Variants in FBXL7 observed in about 807,000 individuals in gnomAD.
FBXL7 encodes the protein F-box and leucine rich repeat protein 7, also known as F-box/LRR-repeat protein 7.
A neutral mutation model predicts 38.3 loss-of-function variants in FBXL7; 12 were observed. The observed-to-expected ratio is 0.31, with a 90% CI of 0.20 to 0.51. FBXL7 has a LOEUF of 0.51. Among genes scored for constraint, FBXL7 ranks in the 20% least tolerant of loss-of-function variants. The pLI is 0.98. For synonymous variants in FBXL7, 297 were observed against 300.9 expected, an observed-to-expected ratio of 0.99 and a Z score of 0.13; for missense variants, 567 against 676.4, an observed-to-expected ratio of 0.84 and a Z score of 1.79.
intron 1 of FBXL7, among the ~76,000 whole-genome samples, chr5:15,518,511 G>A (rs1217687361): frequency 6.6e-6 from 1 of 152,200 alleles, no homozygotes; most frequent in Non-Finnish European, 1.5e-5. Context: ...TTGAATTGTG[G>A]CTGGGATATA....
chr5:15,721,821 C>T (rs188449087), intron 2 of FBXL7, among the ~76,000 whole-genome samples: 222 of 147,566 alleles, frequency 1.5e-3, no homozygotes, highest in Non-Finnish European at 2.4e-3. Context: ...AGATAAGAAT[C>T]CTTTTATTTA....
chr5:15,758,601 A>T (rs1334477157), intron 2 of FBXL7, among the ~76,000 whole-genome samples: 5 of 152,204 alleles, frequency 3.3e-5, no homozygotes, highest in Non-Finnish European at 7.3e-5. Context: ...TTAACATGTT[A>T]AAGAAATGCA....
At chr5:15,886,229 GCA>G (rs1740672078) in intron 2 of FBXL7, among the ~76,000 whole-genome samples, 3 of 151,994 alleles carry the variant, frequency 2.0e-5, no homozygotes, top group Non-Finnish European at 4.4e-5. Flanking sequence ...GTGTGTGTGT[GCA>G]TGCAAATGTA....
At chr5:15,584,300 C>T (rs1246260049) in intron 1 of FBXL7, among the ~76,000 whole-genome samples, 7 of 152,180 alleles carry the variant, frequency 4.6e-5, no homozygotes, top group Non-Finnish European at 1.0e-4. Context: ...TTATGAATTT[C>T]TCTTCCAGAA....
intron 1 of FBXL7, chr5:15,501,593 C>T: frequency 3.0e-6 from 3 of 985,590 alleles, no homozygotes; most frequent in Non-Finnish European, 3.6e-6. Flanking sequence ...AGCCCGCCCC[C>T]AGAGGACAGT....
In FBXL7 at chr5:15,751,683, G is replaced by A. The variant is rs182591806; in HGVS notation, c.127+135611G>A. Among the ~76,000 whole-genome samples, 208 of 152,272 alleles carry A rather than the reference G, an allele frequency of 1.4e-3. 6 individuals carry two copies. In the South Asian group the frequency reaches 0.041, roughly 30 times the overall value. On this transcript the variant is annotated intron_variant, in intron 2 of 3. Coordinates refer to ENST00000504595, the MANE Select transcript of FBXL7 (RefSeq NM_012304.5). Reference sequence around the variant, plus strand: ...CAGGTGAAACTTATGATTCATTGTCGATTTTTAATAATATATGTCAAAGGG... The same window carrying A: ...CAGGTGAAACTTATGATTCATTGTCAATTTTTAATAATATATGTCAAAGGG...
chr5:15,857,616 C>A (rs1179591467), intron 2 of FBXL7, among the ~76,000 whole-genome samples: 1 of 152,092 alleles, frequency 6.6e-6, no homozygotes, highest in Admixed American at 6.5e-5. Context: ...ATAAGAGAGC[C>A]GTAGGCACCA....
At chr5:15,570,764 T>C (rs1738753260) in intron 1 of FBXL7, among the ~76,000 whole-genome samples, 2 of 152,174 alleles carry the variant, frequency 1.3e-5, no homozygotes. Context: ...GACTGAACTG[T>C]GTGTGCTGGT....
At chr5:15,751,682 C>T (rs1019622635) in intron 2 of FBXL7, among the ~76,000 whole-genome samples, 7 of 152,194 alleles carry the variant, frequency 4.6e-5, no homozygotes, top group Non-Finnish European at 8.8e-5. Context: ...GATTCATTGT[C>T]GATTTTTAAT....
chr5:15,572,883 T>C (rs2126455282), intron 1 of FBXL7, among the ~76,000 whole-genome samples: 1 of 152,294 alleles, frequency 6.6e-6, no homozygotes, highest in South Asian at 2.1e-4. Flanking sequence ...TTGTGACTGC[T>C]TTTCCACAGT....
intron 2 of FBXL7, among the ~76,000 whole-genome samples, chr5:15,775,768 G>A (rs1040141142): frequency 6.6e-6 from 1 of 152,142 alleles, no homozygotes; most frequent in Non-Finnish European, 1.5e-5. Flanking sequence ...AACGAGGATA[G>A]CAGTCTTTTT....
At chr5:15,781,961 G>A (rs538188070) in intron 2 of FBXL7, among the ~76,000 whole-genome samples, 57 of 152,088 alleles carry the variant, frequency 3.7e-4, no homozygotes, top group African/African-American at 1.2e-3. Flanking sequence ...GGTATTTCTC[G>A]TAATGCTATT....
intron 1 of FBXL7, among the ~76,000 whole-genome samples, chr5:15,530,373 G>A (rs1737384581): frequency 6.6e-6 from 1 of 152,138 alleles, no homozygotes; most frequent in Non-Finnish European, 1.5e-5. Flanking sequence ...TTTATTGTTA[G>A]TGGCTGGTAC....
intron 2 of FBXL7, among the ~76,000 whole-genome samples, chr5:15,865,508 C>G (rs1316645160): frequency 6.6e-6 from 1 of 152,120 alleles, no homozygotes; most frequent in East Asian, 1.9e-4. Flanking sequence ...CTGCATAATG[C>G]TGCCTCTCCA....
intron 2 of FBXL7, among the ~76,000 whole-genome samples, chr5:15,663,294 C>G (rs138084060): frequency 2.6e-4 from 39 of 152,160 alleles, no homozygotes; most frequent in Non-Finnish European, 4.7e-4. Context: ...TGATTTGGCT[C>G]TTGGCTTGGC....
chr5:15,792,180 T>G (rs1489552576), intron 2 of FBXL7, among the ~76,000 whole-genome samples: 1 of 152,176 alleles, frequency 6.6e-6, no homozygotes, highest in Non-Finnish European at 1.5e-5. Flanking sequence ...ACATCGTAGC[T>G]GTCAAGCATT....
At chr5:15,797,519 G>A (rs257778) in intron 2 of FBXL7, among the ~76,000 whole-genome samples, 87,512 of 152,018 alleles carry the variant, frequency 0.58, 25,636 homozygotes, top group Non-Finnish European at 0.64. Flanking sequence ...TCCATAGGAC[G>A]TAGCTCACAG....
intron 2 of FBXL7, among the ~76,000 whole-genome samples, chr5:15,620,594 A>G (rs1740605533): frequency 6.6e-6 from 1 of 151,938 alleles, no homozygotes. Context: ...GTGGGGAGAG[A>G]TCGGGCCAGC....
intron 2 of FBXL7, among the ~76,000 whole-genome samples, chr5:15,787,689 G>T (rs1323627279): frequency 1.3e-5 from 2 of 152,128 alleles, no homozygotes; most frequent in Non-Finnish European, 2.9e-5. Context: ...TTAAGAGATG[G>T]GTTCCTGAGG....
Sources: allele counts gnomAD v4.1 joint callset (sites outside exome capture counted in the v4.1 genomes callset), GRCh38; gene constraint gnomAD v4.1.1; transcripts MANE v1.5; gene names NCBI Gene and HGNC (gene_info 2026-07-23, HGNC 2026-07-21).